The following ANHX variants were observed in gnomAD, a reference collection of about 807,000 sequenced individuals.
ANHX encodes anomalous homeobox protein.
ANHX carries 20 observed loss-of-function variants against 38.9 expected under a neutral mutation model. The ratio of observed to expected loss-of-function variants is 0.51; its 90% CI spans 0.36 to 0.75. ANHX has a LOEUF of 0.75. Among genes scored for constraint, ANHX ranks in the 30% least tolerant of loss-of-function variants. ANHX has a pLI of 0.00. For synonymous variants in ANHX, 185 were observed against 203.1 expected (o/e 0.91, Z 0.76); for missense variants, 475 against 493.1 (o/e 0.96, Z 0.35).
Position 133,220,980 on chromosome 12 carries a change from A to G in ANHX, c.1280+225T>C, listed in dbSNP as rs144283455. 3.2e-3 allele frequency among the ~76,000 whole-genome samples: 484 copies of G among 152,328 alleles called. 18 individuals are homozygous for G. The East Asian group carries it at 0.086, about 27-fold the overall frequency. The stretch of plus-strand genomic sequence containing the variant: ...TAAGGGTGAACCCTGATCATGTCCA[A>G]TGCATGGGATGCCCACATCTGCTCT... On this transcript the variant is annotated intron_variant, in intron 8 of 9. Coordinates refer to ENST00000545940, the MANE Select transcript of ANHX (RefSeq NM_001372060.1).
intron 2 of ANHX, among the ~76,000 whole-genome samples, chr12:133,232,323 A>G (rs1025492889): frequency 4.3e-5 from 2 of 46,038 alleles, no homozygotes; most frequent in African/African-American, 1.5e-4. Flanking sequence ...AATTCCAATC[A>G]TCTGCCACAG....
chr12:133,223,893 TTA>T (rs1472951704), intron 7 of ANHX, among the ~76,000 whole-genome samples: 1 of 151,882 alleles, frequency 6.6e-6, no homozygotes, highest in East Asian at 1.9e-4. Context: ...CTCCAAAAAA[TTA>T]TGAGGGGGGG....
chr12:133,232,967 AACGGGGGGGCAAT>A (rs1957305733), intron 2 of ANHX, among the ~76,000 whole-genome samples: 2 of 149,348 alleles, frequency 1.3e-5, no homozygotes, highest in Admixed American at 1.3e-4. Context: ...GAAAAGGGGT[AACGGGGGGGCAAT>A]ACTGGAGAGT....
In ANHX at chr12:133,224,199, T is replaced by C. The variant is rs952104031; in HGVS notation, c.1132+1337A>G. Among the ~76,000 whole-genome samples, 5 of 151,616 alleles carry C rather than the reference T, an allele frequency of 3.3e-5. No homozygotes were observed. The East Asian group carries it at 7.8e-4, about 24-fold the overall frequency. On this transcript the variant is annotated intron_variant, in intron 7 of 9. Transcript: ENST00000545940. ...TGTCACTTGGAGGGGAAAGGGAAAA[T>C]GGAGGGCCCCCAACAGTGAGTTTTC...
chr12:133,229,407 C>A (rs1031289665), intron 3 of ANHX, among the ~76,000 whole-genome samples: 2 of 152,110 alleles, frequency 1.3e-5, no homozygotes, highest in Non-Finnish European at 2.9e-5. Context: ...AGAACTCCAT[C>A]CCCCCTCTCC....
intron 2 of ANHX, among the ~76,000 whole-genome samples, chr12:133,233,709 C>CT (rs1432010377): frequency 2.6e-5 from 4 of 152,192 alleles, no homozygotes; most frequent in Admixed American, 2.6e-4. Context: ...GTGAGAGATA[C>CT]TTTTGGTTTT....
At chr12:133,229,378 G>A (rs4072581) in intron 3 of ANHX, among the ~76,000 whole-genome samples, 18,098 of 152,052 alleles carry the variant, frequency 0.12, 2,218 homozygotes, top group African/African-American at 0.32. Flanking sequence ...AATGCATCTC[G>A]CACATCATGA....
At chr12:133,229,485 G>A (rs1237692051) in intron 3 of ANHX, among the ~76,000 whole-genome samples, 1 of 151,920 alleles carries the variant, frequency 6.6e-6, no homozygotes, top group East Asian at 1.9e-4. Context: ...TCCCACATAG[G>A]CCAAGAGCCC....
intron 5 of ANHX, 81 bp from the exon 6 acceptor site, chr12:133,226,519 C>A (rs1957191728): frequency 1.4e-6 from 2 of 1,450,078 alleles, no homozygotes. Flanking sequence ...AGCAGCCCTG[C>A]TGGCTGGAAA....
intron 4 of ANHX, 27 bp downstream of exon 4, chr12:133,227,797 T>G (rs1185370614): frequency 1.0e-5 from 16 of 1,534,798 alleles, no homozygotes; most frequent in Non-Finnish European, 1.3e-5. Context: ...AGGGACCCCC[T>G]GGGTCCTGGG....
At chr12:133,231,079 C>T (rs1412864039) in intron 3 of ANHX, among the ~76,000 whole-genome samples, 4 of 152,172 alleles carry the variant, frequency 2.6e-5, no homozygotes, top group African/African-American at 9.7e-5. Flanking sequence ...TCAGTGGCCA[C>T]CCAGAGCCCA....
intron 7 of ANHX, among the ~76,000 whole-genome samples, chr12:133,224,386 G>A (rs1957154581): frequency 6.6e-6 from 1 of 152,232 alleles, no homozygotes; most frequent in African/African-American, 2.4e-5. Context: ...ATTTGGCTGG[G>A]CATGGTGGCT....
At chr12:133,235,069 T>C (rs1957346115) in intron 1 of ANHX, 1 of 148,810 alleles carries the variant, frequency 6.7e-6, no homozygotes, top group African/African-American at 2.5e-5. Flanking sequence ...GGCGAGGGGT[T>C]CTTTCTGCCG....
rs1593958379 is a variant in ANHX, at chr12:133,223,735, T to C, written c.1132+1801A>G. 4.6e-5 allele frequency among the ~76,000 whole-genome samples: 7 copies of C among 152,164 alleles called. No homozygotes were observed. The East Asian group carries it at 1.2e-3, about 25-fold the overall frequency. ...TGCTGGGATTACAGGCGTGAGTCAC[T>C]GCACCCGGCCAGGAGACCTTATTCT... On this transcript the variant is annotated intron_variant, in intron 7 of 9. Transcript: ENST00000545940.
intron 6 of ANHX, 38 bp downstream of exon 6, chr12:133,226,280 T>G: frequency 6.5e-7 from 1 of 1,536,110 alleles, no homozygotes; most frequent in Non-Finnish European, 8.7e-7. Flanking sequence ...GGGAACTGAA[T>G]AGGTGAGATG....
chr12:133,228,167 G>A (rs886176036), intron 3 of ANHX, among the ~76,000 whole-genome samples: 1 of 152,118 alleles, frequency 6.6e-6, no homozygotes, highest in African/African-American at 2.4e-5. Flanking sequence ...CCACTGTGAG[G>A]AGCCCTCTGT....
In ANHX at chr12:133,227,674, A is replaced by G. The variant is rs563983861; in HGVS notation, c.501+150T>C. The G allele has an allele frequency of 7.0e-6, 6 of 852,848 alleles. No individual in the cohort carries two copies. In the South Asian group the frequency reaches 9.2e-5, roughly 13 times the overall value. The allele number at this position is 852,848 out of a possible 1,614,324, so 52.8% of individuals were successfully genotyped here. On this transcript the variant is annotated intron_variant, in intron 4 of 9. Coordinates refer to ENST00000545940, the MANE Select transcript of ANHX (RefSeq NM_001372060.1). ...ATGTGGCAGACAGGACAGTCTGCCA[A>G]TCAACAAGGTCCCTGTCCAGAGGAG...
chr12:133,229,570 C>G (rs1957238498), intron 3 of ANHX, among the ~76,000 whole-genome samples: 1 of 152,158 alleles, frequency 6.6e-6, no homozygotes, highest in Admixed American at 6.5e-5. Context: ...GCTCCACCTC[C>G]TGTGTCAGGG....
intron 8 of ANHX, among the ~76,000 whole-genome samples, chr12:133,219,842 C>A (rs1957084821): frequency 6.6e-6 from 1 of 152,100 alleles, no homozygotes; most frequent in Non-Finnish European, 1.5e-5. Context: ...TGTGATGCCC[C>A]CAAATCCCCA....
Sources: gnomAD v4.1 joint callset for allele counts (sites outside exome capture counted in the v4.1 genomes callset) on GRCh38, gnomAD v4.1.1 for gene constraint, MANE v1.5 for transcripts, NCBI Gene and HGNC (gene_info 2026-07-23, HGNC 2026-07-21) for gene names.